The following XRCC4 variants were observed in gnomAD, a reference collection of about 807,000 sequenced individuals.
XRCC4 encodes X-ray repair cross complementing 4.
XRCC4 carries 28 observed loss-of-function variants against 39.1 expected under a neutral mutation model. The observed-to-expected ratio is 0.72, with a 90% CI of 0.53 to 0.98. XRCC4 has a LOEUF of 0.98. Among genes scored for constraint, XRCC4 ranks in the 50% least tolerant of loss-of-function variants. The pLI is 0.00. For missense variants in XRCC4, 350 were observed against 376.4 expected, an observed-to-expected ratio of 0.93 and a Z score of 0.58; for synonymous variants, 123 against 126.4, an observed-to-expected ratio of 0.97 and a Z score of 0.18.
chr5:83,095,992 T>C (rs1295291736), intron 1 of XRCC4, among the ~76,000 whole-genome samples: 1 of 151,774 alleles, frequency 6.6e-6, no homozygotes. Context: ...CTTACACGAA[T>C]CCCAGAAGTT....
In XRCC4 at chr5:83,091,652, A is replaced by G. The variant is rs1460596783; in HGVS notation, c.-10-13258A>G. 2.6e-5 allele frequency among the ~76,000 whole-genome samples: 4 copies of G among 152,316 alleles called. No individual in the cohort carries two copies. In the East Asian group the frequency reaches 7.7e-4, roughly 29 times the overall value. ...TGCCTTGCCTATTTCACTTAGGGTA[A>G]TGTCCTCCAATTCCGTCTGTGATGT... On this transcript the variant is annotated intron_variant, in intron 1 of 7. Coordinates refer to ENST00000396027, the MANE Select transcript of XRCC4 (RefSeq NM_003401.5).
chr5:83,255,738 G>T (rs959385347), intron 6 of XRCC4, among the ~76,000 whole-genome samples: 1 of 151,912 alleles, frequency 6.6e-6, no homozygotes, highest in Non-Finnish European at 1.5e-5. Flanking sequence ...GCAAGCTCTC[G>T]GTCCTTTTAG....
intron 7 of XRCC4, among the ~76,000 whole-genome samples, chr5:83,269,109 A>G (rs28360256): frequency 0.017 from 2,606 of 152,246 alleles, 30 homozygotes; most frequent in Non-Finnish European, 0.028. Flanking sequence ...TCTCAAGTAT[A>G]TTTTTGGAGT....
intron 7 of XRCC4, among the ~76,000 whole-genome samples, chr5:83,314,188 A>T (rs1755803521): frequency 6.6e-6 from 1 of 152,096 alleles, no homozygotes; most frequent in South Asian, 2.1e-4. Context: ...GCACTAATTT[A>T]AAAAAATTGT....
At chr5:83,366,345 A>G in the XRCC4 span, among the ~76,000 whole-genome samples, 1 of 152,186 alleles carries the variant, frequency 6.6e-6, no homozygotes, top group East Asian at 1.9e-4. Context: ...AACAAGACGG[A>G]TCCTTGATTC....
At chr5:83,265,017 GAGA>G (rs1394781659) in intron 7 of XRCC4, among the ~76,000 whole-genome samples, 2 of 152,098 alleles carry the variant, frequency 1.3e-5, no homozygotes, top group Admixed American at 6.6e-5. Flanking sequence ...CATATATAGA[GAGA>G]AGGAGATGAA....
intron 3 of XRCC4, among the ~76,000 whole-genome samples, chr5:83,155,125 A>G (rs1748896072): frequency 6.6e-6 from 1 of 152,324 alleles, no homozygotes; most frequent in African/African-American, 2.4e-5. Context: ...TAATATTGTA[A>G]TAATCACATT....
chr5:83,094,332 C>A (rs1054849923), intron 1 of XRCC4, among the ~76,000 whole-genome samples: 1 of 130,894 alleles, frequency 7.6e-6, no homozygotes, highest in African/African-American at 2.9e-5. Flanking sequence ...CCTCTCCTCC[C>A]CTTCCCTCCG....
intron 7 of XRCC4, among the ~76,000 whole-genome samples, chr5:83,275,068 G>C (rs572562695): frequency 3.9e-5 from 6 of 152,216 alleles, no homozygotes; most frequent in African/African-American, 1.4e-4. Flanking sequence ...TAGGCTAATA[G>C]AGGACCTAGT....
At chr5:83,089,916 C>T (rs905991835) in intron 1 of XRCC4, among the ~76,000 whole-genome samples, 1 of 152,068 alleles carries the variant, frequency 6.6e-6, no homozygotes, top group South Asian at 2.1e-4. Flanking sequence ...AACTTAGGAA[C>T]AGCCAAATGA....
chr5:83,169,440 T>G (rs1749627449), intron 3 of XRCC4, among the ~76,000 whole-genome samples: 1 of 152,186 alleles, frequency 6.6e-6, no homozygotes, highest in Non-Finnish European at 1.5e-5. Flanking sequence ...AGTTTTAATC[T>G]AAAGCATTTT....
intron 3 of XRCC4, among the ~76,000 whole-genome samples, chr5:83,119,037 A>G (rs959042929): frequency 1.3e-5 from 2 of 152,190 alleles, no homozygotes; most frequent in African/African-American, 4.8e-5. Context: ...CAGCCTTCCC[A>G]CCATTATTTA....
At chr5:83,092,346 A>G (rs1176619941) in intron 1 of XRCC4, among the ~76,000 whole-genome samples, 1 of 152,158 alleles carries the variant, frequency 6.6e-6, no homozygotes, top group Non-Finnish European at 1.5e-5. Flanking sequence ...TGATGTGCAG[A>G]AGCTTTCTAG....
At chr5:83,233,733 C>CAA (rs200461475) in intron 6 of XRCC4, among the ~76,000 whole-genome samples, 5,559 of 98,502 alleles carry the variant, frequency 0.056, 392 homozygotes, top group African/African-American at 0.18. Flanking sequence ...ACTAAAAATG[C>CAA]AAAAAAAAAA....
the XRCC4 span, among the ~76,000 whole-genome samples, chr5:83,373,453 T>C: frequency 6.6e-6 from 1 of 152,202 alleles, no homozygotes; most frequent in Non-Finnish European, 1.5e-5. Context: ...AACTTCTCTT[T>C]CTCACTGTTG....
chr5:83,078,780 A>C (rs781412534), intron 1 of XRCC4, among the ~76,000 whole-genome samples: 3 of 152,206 alleles, frequency 2.0e-5, no homozygotes, highest in Non-Finnish European at 2.9e-5. Context: ...CTGTTCCTTT[A>C]AGGAATTTAA....
At chr5:83,236,567 A>G (rs1020858750) in intron 6 of XRCC4, among the ~76,000 whole-genome samples, 3 of 152,146 alleles carry the variant, frequency 2.0e-5, no homozygotes, top group Admixed American at 6.6e-5. Context: ...TCAAATCAAA[A>G]TGGATTAAAG....
intron 3 of XRCC4, among the ~76,000 whole-genome samples, chr5:83,174,923 T>C (rs1749885369): frequency 6.6e-6 from 1 of 152,188 alleles, no homozygotes; most frequent in Non-Finnish European, 1.5e-5. Context: ...ATATTAGCAT[T>C]GTAGGCCTTA....
chr5:83,256,910 G>T (rs935204674), intron 6 of XRCC4, among the ~76,000 whole-genome samples: 2 of 152,164 alleles, frequency 1.3e-5, no homozygotes, highest in Admixed American at 1.3e-4. Context: ...TAAATAAAAT[G>T]AAGATAGTAA....
Sources: allele counts gnomAD v4.1 joint callset (sites outside exome capture counted in the v4.1 genomes callset), GRCh38; gene constraint gnomAD v4.1.1; transcripts MANE v1.5; gene names NCBI Gene and HGNC (gene_info 2026-07-23, HGNC 2026-07-21).